SERPINB9: variants seen among roughly 807,000 people sequenced by gnomAD.
SERPINB9 encodes serpin B9.
Under a neutral mutation model 27.2 loss-of-function variants are expected in SERPINB9, and 20 were observed. That is an observed-to-expected ratio of 0.74 (90% CI 0.52 to 1.07). SERPINB9 has a LOEUF of 1.07. Ranked by LOEUF, SERPINB9 falls within the 50% of genes least tolerant of loss-of-function variation. The probability of loss-of-function intolerance (pLI) is 0.00; values close to 1 mark genes in which losing one functional copy is unlikely to be tolerated. For missense variants in SERPINB9, 476 were observed against 460.1 expected (o/e 1.03, Z -0.32); for synonymous variants, 189 against 180.0 (o/e 1.05, Z -0.40).
chr6:2,893,259 T>G, intron 5 of SERPINB9, 152 bp downstream of exon 5: 1 of 455,632 alleles, frequency 2.2e-6, no homozygotes, highest in Non-Finnish European at 3.6e-6. Context: ...CTCCTTCCGT[T>G]TTTTTCTACT....
chr6:2,891,988 C>T lies in SERPINB9; in HGVS notation c.568G>A (p.Glu190Lys), dbSNP rs1302345107. The T allele has an allele frequency of 6.2e-7, 1 of 1,613,292 alleles. No homozygotes were observed. Among genetic ancestry groups the T allele is most frequent in the Non-Finnish European group, 8.5e-7 (1 of 1,179,880 alleles). The part of the protein sequence containing the change: ...TREMPFKINQ[E>K]EQRPVQMMYQ... ...ATCATCTGCACTGGCCTTTGCTCCTCCTGGGGGAAGGATTATTGAAAGACG... is the reference window on the plus strand; with the variant it reads ...ATCATCTGCACTGGCCTTTGCTCCTTCTGGGGGAAGGATTATTGAAAGACG... The change falls in exon 6 of 7, where the codon GAG (glutamate) becomes AAG (lysine). Residue 190 changes from glutamate to lysine, a missense_variant and splice_region_variant. Transcript: ENST00000380698. The surrounding 1 kb of genome is among the most constrained non-coding windows in gnomAD (Gnocchi z 4.0).
At chr6:2,893,363 A>G (rs373176496) in intron 5 of SERPINB9, 48 bp downstream of exon 5, 1 of 1,569,020 alleles carries the variant, frequency 6.4e-7, no homozygotes, top group Non-Finnish European at 8.7e-7. Context: ...AAATCTTTCC[A>G]TTCAACTTCT....
In SERPINB9 at chr6:2,893,537, C is replaced by G. The variant is rs762893958; in HGVS notation, c.441G>C (p.Leu147Phe). 1.2e-6 allele frequency: 2 copies of G among 1,611,938 alleles called. No homozygotes were observed. The highest frequency in any genetic ancestry group is 1.7e-6 in the Non-Finnish European group (2 of 1,178,890). ...SKKTEGKIEELLPGSSIDAET... is the reference protein window; with the variant it reads ...SKKTEGKIEEFLPGSSIDAET... ...CTGCATCAATTGAGCTACCCGGCAA[C>G]AACTCTTCAATTTTACCTTTCAAGA... The change falls in exon 5 of 7, where the codon TTG becomes TTC. Residue 147 changes from leucine (L) to phenylalanine (F), a missense_variant. By Grantham distance (22) the Leu-to-Phe change is conservative. Transcript: ENST00000380698.
chr6:2,902,784 C>T (rs1237379368), intron 1 of SERPINB9, among the ~76,000 whole-genome samples: 1 of 152,078 alleles, frequency 6.6e-6, no homozygotes, highest in Non-Finnish European at 1.5e-5. Flanking sequence ...TCCCAAAGTG[C>T]TGGGATTACA....
chr6:2,895,998 C>G (rs2113609973), intron 3 of SERPINB9, 55 bp downstream of exon 3: 1 of 1,544,130 alleles, frequency 6.5e-7, no homozygotes, highest in Non-Finnish European at 8.8e-7. Context: ...CTCCCAGACT[C>G]TATATCACCA....
intron 1 of SERPINB9, among the ~76,000 whole-genome samples, chr6:2,902,323 A>T (rs1485123171): frequency 1.3e-5 from 2 of 152,154 alleles, no homozygotes; most frequent in Non-Finnish European, 2.9e-5. Context: ...CCCGAAGGTG[A>T]TTCCTCATCT....
Position 2,900,619 on chromosome 6 carries a change from G to A in SERPINB9, c.-8C>T. ...ATTAGAAAGAGTTTCCATGATGCAGGGCCTGGAAGGGAAGAATAAAGAGAA... is the reference window on the plus strand; with the variant it reads ...ATTAGAAAGAGTTTCCATGATGCAGAGCCTGGAAGGGAAGAATAAAGAGAA... On this transcript the variant is annotated splice_region_variant and 5_prime_UTR_variant, in exon 2 of 7. Transcript: ENST00000380698. The A allele has an allele frequency of 6.2e-7, 1 of 1,613,492 alleles. No individual in the cohort carries two copies. The highest frequency in any genetic ancestry group is 8.5e-7 in the Non-Finnish European group (1 of 1,179,578).
At chr6:2,897,785 C>A (rs2113613075) in intron 2 of SERPINB9, among the ~76,000 whole-genome samples, 1 of 152,166 alleles carries the variant, frequency 6.6e-6, no homozygotes, top group Admixed American at 6.5e-5. Context: ...AGAAAAAGCA[C>A]CCCAAAGTAA....
At chr6:2,893,214 T>TATATATATATA in intron 5 of SERPINB9, among the ~76,000 whole-genome samples, 197 bp downstream of exon 5, 1 of 139,332 alleles carries the variant, frequency 7.2e-6, no homozygotes, top group East Asian at 2.0e-4. Flanking sequence ...TATATATACG[T>TATATATATATA]ATATATAATA....
intron 4 of SERPINB9, 68 bp downstream of exon 4, chr6:2,895,323 G>T: frequency 1.0e-6 from 1 of 988,350 alleles, no homozygotes; most frequent in Non-Finnish European, 1.6e-6. Flanking sequence ...GAGGCGGGAA[G>T]GAGGAATAGG....
rs929432301 is a variant in SERPINB9, at chr6:2,888,410, A to G, written c.*1753T>C. 1.4e-4 allele frequency: 22 copies of G among 152,238 alleles called. No homozygotes were observed. The highest frequency in any genetic ancestry group is 8.5e-4 in the Admixed American group (13 of 15,276). The allele number at this position is 152,238 out of a possible 1,614,324, so 9.4% of individuals were successfully genotyped here. A position where few individuals can be genotyped will look rare whatever the true frequency, so the allele number is the denominator to read the frequency against. On this transcript the variant is annotated 3_prime_UTR_variant, in exon 7 of 7. Coordinates refer to ENST00000380698, the MANE Select transcript of SERPINB9 (RefSeq NM_004155.6). Reference sequence around the variant, plus strand: ...AAACATTCATAGCAGCACTATTCCCAATAGCCAAAAGTCAGAAACAACCCA... The same window carrying G: ...AAACATTCATAGCAGCACTATTCCCGATAGCCAAAAGTCAGAAACAACCCA...
intron 4 of SERPINB9, among the ~76,000 whole-genome samples, chr6:2,893,962 AG>A (rs1767911208): frequency 6.6e-6 from 1 of 152,128 alleles, no homozygotes; most frequent in Non-Finnish European, 1.5e-5. Flanking sequence ...AGAAGCAACC[AG>A]AATGGACGGC....
Position 2,888,491 on chromosome 6 carries a change from T to G in SERPINB9, c.*1672A>C, listed in dbSNP as rs539154182. ...ATTGTGCTATAAACACATAATACAA[T>G]TTTATTTGGCCATAAAAATGAAGTG... On this transcript the variant is annotated 3_prime_UTR_variant, in exon 7 of 7. Transcript: ENST00000380698. 1.1e-4 allele frequency: 16 copies of G among 152,364 alleles called. No homozygotes were observed. Among genetic ancestry groups the G allele is most frequent in the South Asian group, 8.3e-4 (4 of 4,832 alleles). 9.4% of individuals were successfully genotyped at this position (152,364 alleles called of 1,614,324 possible).
Position 2,892,006 on chromosome 6 carries a change from G to C in SERPINB9, c.568-18C>G. Reference sequence around the variant, plus strand: ...TGCTCCTCCTGGGGGAAGGATTATTGAAAGACGCAATTAAAACTTTCAAAA... The same window carrying C: ...TGCTCCTCCTGGGGGAAGGATTATTCAAAGACGCAATTAAAACTTTCAAAA... On this transcript the variant is annotated intron_variant, in intron 5 of 6. Coordinates refer to ENST00000380698, the MANE Select transcript of SERPINB9 (RefSeq NM_004155.6). 6.5e-7 allele frequency: 1 copy of C among 1,533,284 alleles called. No individual in the cohort carries two copies. The highest frequency in any genetic ancestry group is 1.1e-5 in the South Asian group (1 of 89,900). 95.0% of individuals were successfully genotyped at this position (1,533,284 alleles called of 1,614,324 possible). A position where few individuals can be genotyped will look rare whatever the true frequency, so the allele number is the denominator to read the frequency against.
rs1183983681 is a variant in SERPINB9 at position 2,891,475 on chromosome 6, G to C, written c.723+358C>G. The stretch of plus-strand genomic sequence containing the variant: ...ACATTTTATCCTCATCATAACTCTA[G>C]GAGGCAATAACCCCGAGCAGTCATT... On this transcript the variant is annotated intron_variant, in intron 6 of 6. Transcript: ENST00000380698. The surrounding 1 kb of genome is among the most constrained non-coding windows in gnomAD (Gnocchi z 4.0). 6.6e-6 allele frequency among the ~76,000 whole-genome samples: 1 copy of C among 152,106 alleles called. No homozygotes were observed. Among genetic ancestry groups the C allele is most frequent in the Non-Finnish European group, 1.5e-5 (1 of 68,012 alleles).
intron 1 of SERPINB9, among the ~76,000 whole-genome samples, chr6:2,901,694 A>T (rs1484797683): frequency 4.0e-5 from 6 of 150,932 alleles, no homozygotes; most frequent in Admixed American, 3.3e-4. Context: ...AGCCTGGGAG[A>T]CCTCCCTGAC....
intron 4 of SERPINB9, 120 bp from the exon 5 acceptor site, chr6:2,893,673 G>A: frequency 2.5e-6 from 2 of 790,128 alleles, no homozygotes; most frequent in Admixed American, 2.8e-5. Flanking sequence ...AGTTTGGGTT[G>A]TTATGTAGAG....
chr6:2,899,207 T>C (rs1052621859), intron 2 of SERPINB9, among the ~76,000 whole-genome samples: 2 of 152,116 alleles, frequency 1.3e-5, no homozygotes, highest in African/African-American at 4.8e-5. Context: ...CATACAGATT[T>C]CAGCATAAGG....
At chr6:2,896,797 T>A (rs1406022882) in intron 2 of SERPINB9, among the ~76,000 whole-genome samples, 2 of 152,214 alleles carry the variant, frequency 1.3e-5, no homozygotes, top group Non-Finnish European at 2.9e-5. Flanking sequence ...CTACAAAATA[T>A]TACTGAAAAC....
Sources: allele counts gnomAD v4.1 joint callset (sites outside exome capture counted in the v4.1 genomes callset), GRCh38; gene constraint gnomAD v4.1.1; non-coding constraint Gnocchi (gnomAD v3.1); transcripts MANE v1.5; gene names NCBI Gene and HGNC (gene_info 2026-07-23, HGNC 2026-07-21).